Variants in LUZP2 observed in about 807,000 individuals in gnomAD.
The protein encoded by LUZP2 is leucine zipper protein 2.
Under a neutral mutation model 51.6 loss-of-function variants are expected in LUZP2, and 52 were observed. The ratio of observed to expected loss-of-function variants is 1.01; its 90% CI spans 0.81 to 1.27. The LOEUF is 1.27. Among genes scored for constraint, LUZP2 ranks in the 50% most tolerant of loss-of-function variants. LUZP2 has a pLI of 0.00. For synonymous variants in LUZP2, 154 were observed against 137.3 expected, an observed-to-expected ratio of 1.12 and a Z score of -0.85; for missense variants, 436 against 395.4, an observed-to-expected ratio of 1.10 and a Z score of -0.87.
chr11:24,885,246 A>G (rs892014864), intron 5 of LUZP2, among the ~76,000 whole-genome samples: 3 of 152,276 alleles, frequency 2.0e-5, no homozygotes, highest in Admixed American at 2.0e-4. Context: ...CCTAATCATC[A>G]AAAAAGATGA....
In LUZP2 at chr11:24,927,845, G is replaced by A. The variant is rs372369005; in HGVS notation, c.522+13307G>A. 1.7e-3 allele frequency among the ~76,000 whole-genome samples: 262 copies of A among 151,908 alleles called. 3 individuals are homozygous for A. The highest frequency in any genetic ancestry group is 6.0e-3 in the African/African-American group (248 of 41,494). On this transcript the variant is annotated intron_variant, in intron 7 of 11. Transcript: ENST00000336930. ...CTTTTGGTGGTATGGTCATTATCAC[G>A]ATATTGATTCTACCCATCCATGAGC...
At chr11:25,005,104 T>G (rs1185229632) in intron 9 of LUZP2, among the ~76,000 whole-genome samples, 1 of 152,116 alleles carries the variant, frequency 6.6e-6, no homozygotes, top group Non-Finnish European at 1.5e-5. Context: ...TGTACCCAGG[T>G]TGGACCAAAT....
chr11:24,732,005 A>C (rs561535524), intron 2 of LUZP2, 113 bp from the exon 3 acceptor site: 1 of 708,134 alleles, frequency 1.4e-6, no homozygotes, highest in East Asian at 2.8e-5. Flanking sequence ...ACTCATTTTT[A>C]ATTCTTGTTC....
At chr11:25,029,615 T>C (rs1021114843) in intron 9 of LUZP2, among the ~76,000 whole-genome samples, 5 of 151,482 alleles carry the variant, frequency 3.3e-5, no homozygotes, top group Admixed American at 3.3e-4. Context: ...TGGGCACCTG[T>C]AATCCCAGCT....
chr11:24,923,515 G>A (rs898977689), intron 7 of LUZP2, among the ~76,000 whole-genome samples: 1 of 151,954 alleles, frequency 6.6e-6, no homozygotes, highest in African/African-American at 2.4e-5. Flanking sequence ...TGGTCAACAC[G>A]GTGAAACATC....
chr11:24,969,089 T>C (rs917139549), intron 7 of LUZP2, among the ~76,000 whole-genome samples: 2 of 152,164 alleles, frequency 1.3e-5, no homozygotes, highest in East Asian at 3.9e-4. Flanking sequence ...GTTGTACATA[T>C]TATTTTCTCA....
At chr11:24,918,302 C>T (rs576148691) in intron 7 of LUZP2, among the ~76,000 whole-genome samples, 1 of 152,080 alleles carries the variant, frequency 6.6e-6, no homozygotes, top group Non-Finnish European at 1.5e-5. Flanking sequence ...TTGACTTCTT[C>T]TTTTCCTAAT....
chr11:24,928,211 T>G (rs1854336705), intron 7 of LUZP2, among the ~76,000 whole-genome samples: 4 of 152,056 alleles, frequency 2.6e-5, no homozygotes. Flanking sequence ...TCTTTACCAA[T>G]TTGGATGCCC....
intron 5 of LUZP2, among the ~76,000 whole-genome samples, chr11:24,776,005 T>G (rs1172646842): frequency 6.6e-6 from 1 of 152,166 alleles, no homozygotes; most frequent in Non-Finnish European, 1.5e-5. Context: ...ATAAGCAGTG[T>G]TATGTACAGA....
chr11:24,812,599 GATAAC>G (rs991914763), intron 5 of LUZP2, among the ~76,000 whole-genome samples: 1 of 152,136 alleles, frequency 6.6e-6, no homozygotes, highest in African/African-American at 2.4e-5. Flanking sequence ...ATATTGGTAA[GATAAC>G]ATAAATAAAG....
Position 24,749,362 on chromosome 11 carries a change from T to C in LUZP2, c.333+11060T>C, listed in dbSNP as rs1859494575. ...TCCCACTAGGAGCCTCTTCTGGTTA[T>C]TTGGTTATACGCCCCTGTGATGGCT... is the stretch of plus-strand genomic sequence containing the variant. On this transcript the variant is annotated intron_variant, in intron 4 of 11. Coordinates refer to ENST00000336930, the MANE Select transcript of LUZP2 (RefSeq NM_001009909.4). Among the ~76,000 whole-genome samples, 3 of 152,302 alleles carry C rather than the reference T, an allele frequency of 2.0e-5. No individual in the cohort carries two copies. In the South Asian group the frequency reaches 6.2e-4, roughly 32 times the overall value.
At chr11:25,044,013 T>A (rs373790774) in intron 9 of LUZP2, among the ~76,000 whole-genome samples, 1 of 142,788 alleles carries the variant, frequency 7.0e-6, no homozygotes, top group African/African-American at 2.7e-5. Flanking sequence ...ATATAGTCTA[T>A]ATATATCTGA....
At chr11:24,848,724 G>A (rs1420782763) in intron 5 of LUZP2, among the ~76,000 whole-genome samples, 1 of 152,074 alleles carries the variant, frequency 6.6e-6, no homozygotes, top group African/African-American at 2.4e-5. Flanking sequence ...CCCTGACAAT[G>A]GAAAGGGAAT....
intron 1 of LUZP2, among the ~76,000 whole-genome samples, chr11:24,561,892 T>G (rs1254704972): frequency 1.3e-5 from 2 of 151,466 alleles, no homozygotes; most frequent in Non-Finnish European, 2.9e-5. Context: ...CTTAAAGAAG[T>G]CTTAATTTTG....
At position 25,027,486 on chromosome 11, in the gene LUZP2, A is replaced by G. The variant is rs148664816; in HGVS notation, c.766-22552A>G. Among the ~76,000 whole-genome samples, 33 of 152,250 alleles carry G rather than the reference A, an allele frequency of 2.2e-4. No homozygotes were observed. The East Asian group carries it at 5.4e-3, about 25-fold the overall frequency. ...CCTTCATAGTTTTTATTTTTAGTCTATATAAAATTTTAACTGAATCATCTG... is the reference window on the plus strand; with the variant it reads ...CCTTCATAGTTTTTATTTTTAGTCTGTATAAAATTTTAACTGAATCATCTG... On this transcript the variant is annotated intron_variant, in intron 9 of 11. Transcript: ENST00000336930.
rs564823296 is a variant in LUZP2, at chr11:25,037,818, G to C, written c.766-12220G>C. 1.3e-4 allele frequency among the ~76,000 whole-genome samples: 20 copies of C among 152,054 alleles called. No individual in the cohort carries two copies. In the East Asian group the frequency reaches 2.7e-3, roughly 21 times the overall value. On this transcript the variant is annotated intron_variant, in intron 9 of 11. Coordinates refer to ENST00000336930, the MANE Select transcript of LUZP2 (RefSeq NM_001009909.4). ...TCTTCTGGCTTGTGAAGTTTCTGCT[G>C]AGAGGTCTGCTGCTAGCCTAATGGA...
At chr11:24,974,790 G>A (rs1011840692) in intron 7 of LUZP2, among the ~76,000 whole-genome samples, 7 of 23,102 alleles carry the variant, frequency 3.0e-4, no homozygotes, top group Non-Finnish European at 3.9e-3. Context: ...TAGCACTTTC[G>A]AGGTAAAAAT....
At chr11:24,960,645 T>C (rs1855364965) in intron 7 of LUZP2, among the ~76,000 whole-genome samples, 1 of 152,132 alleles carries the variant, frequency 6.6e-6, no homozygotes, top group Non-Finnish European at 1.5e-5. Context: ...CTTTTTTTCT[T>C]TATTAGTCTT....
At chr11:24,737,597 CTT>C (rs912649730) in intron 3 of LUZP2, among the ~76,000 whole-genome samples, 1 of 152,024 alleles carries the variant, frequency 6.6e-6, no homozygotes, top group Admixed American at 6.6e-5. Context: ...AAACATCACT[CTT>C]TTTAAAAAGG....
Sources: allele counts gnomAD v4.1 joint callset (sites outside exome capture counted in the v4.1 genomes callset), GRCh38; gene constraint gnomAD v4.1.1; transcripts MANE v1.5; gene names NCBI Gene and HGNC (gene_info 2026-07-23, HGNC 2026-07-21).